Variants in FUT9 observed in about 807,000 individuals in gnomAD.
FUT9 encodes the protein 4-galactosyl-N-acetylglucosaminide 3-alpha-L-fucosyltransferase 9.
In FUT9, 15 loss-of-function variants were observed where a neutral mutation model predicts 29.7. The ratio of observed to expected loss-of-function variants is 0.51; its 90% confidence interval spans 0.34 to 0.78. FUT9 has a LOEUF of 0.78. FUT9 is among the 30% of genes least tolerant of loss of function. The probability of loss-of-function intolerance (pLI) is 0.01; values close to 1 mark genes in which losing one functional copy is unlikely to be tolerated. For synonymous variants in FUT9, 169 were observed against 153.7 expected (o/e 1.10, Z -0.74); for missense variants, 319 against 425.4 (o/e 0.75, Z 2.20).
At chr6:96,022,819 G>A (rs541651461) in intron 1 of FUT9, among the ~76,000 whole-genome samples, 1 of 151,970 alleles carries the variant, frequency 6.6e-6, no homozygotes, top group African/African-American at 2.4e-5. Context: ...GTTTTGACAA[G>A]AGCCCAGTAG....
chr6:96,153,463 C>T (rs563782647), intron 2 of FUT9, among the ~76,000 whole-genome samples: 1 of 152,224 alleles, frequency 6.6e-6, no homozygotes, highest in South Asian at 2.1e-4. Flanking sequence ...CTTGAGTAGA[C>T]AATGTGAGAA....
At chr6:96,075,674 A>G (rs778827126) in intron 1 of FUT9, among the ~76,000 whole-genome samples, 3 of 152,184 alleles carry the variant, frequency 2.0e-5, no homozygotes, top group Non-Finnish European at 2.9e-5. Context: ...ATTAGTACAC[A>G]TTTTAAACCT....
chr6:96,061,467 C>A (rs1489984261), intron 1 of FUT9, among the ~76,000 whole-genome samples: 1 of 151,406 alleles, frequency 6.6e-6, no homozygotes. Flanking sequence ...GTTTTCATTT[C>A]ATATTTGCCT....
intron 2 of FUT9, among the ~76,000 whole-genome samples, chr6:96,182,483 T>C (rs1773327172): frequency 6.6e-6 from 1 of 152,088 alleles, no homozygotes; most frequent in South Asian, 2.1e-4. Context: ...TTCTCGGTCA[T>C]GAAATCCTTG....
At position 96,181,595 on chromosome 6, in the gene FUT9, T is replaced by TTTCTCC. The variant is rs1773309577; in HGVS notation, c.-8-21553_-8-21552insTTCTCC. On this transcript the variant is annotated intron_variant, in intron 2 of 2. Coordinates refer to ENST00000302103, the MANE Select transcript of FUT9 (RefSeq NM_006581.4). ...GTCTTTTATCCCTCTCCTTTCTCCCTGAGTACCCAAAGTCCATTGTGTCAT... is the reference window on the plus strand; with the variant it reads ...GTCTTTTATCCCTCTCCTTTCTCCCTTTCTCCGAGTACCCAAAGTCCATTGTGTCAT... Among the ~76,000 whole-genome samples, 4 of 38,144 alleles carry TTTCTCC rather than the reference T, an allele frequency of 1.0e-4. No homozygotes were observed. The Admixed American group carries it at 1.3e-3, about 12-fold the overall frequency. 25.0% of individuals were successfully genotyped at this position (38,144 alleles called of 152,430 possible). A position where few individuals can be genotyped will look rare whatever the true frequency, so the allele number is the denominator to read the frequency against.
intron 1 of FUT9, among the ~76,000 whole-genome samples, chr6:96,051,020 G>GTA (rs955455589): frequency 1.3e-5 from 2 of 151,606 alleles, no homozygotes; most frequent in African/African-American, 4.9e-5. Context: ...CTCTGTGTGT[G>GTA]TGTGTGTGTG....
intron 1 of FUT9, among the ~76,000 whole-genome samples, chr6:96,043,106 CG>C (rs1770493460): frequency 1.3e-5 from 2 of 152,156 alleles, no homozygotes; most frequent in Admixed American, 1.3e-4. Context: ...GGCTGGAGTG[CG>C]GTGGCGCGAT....
intron 2 of FUT9, among the ~76,000 whole-genome samples, chr6:96,194,911 G>T (rs1773595265): frequency 6.6e-6 from 1 of 152,078 alleles, no homozygotes; most frequent in African/African-American, 2.4e-5. Context: ...TTACATTTGG[G>T]CTCAGTGTCA....
intron 2 of FUT9, among the ~76,000 whole-genome samples, chr6:96,160,470 C>T (rs1261064334): frequency 3.3e-5 from 5 of 152,162 alleles, no homozygotes; most frequent in Non-Finnish European, 7.3e-5. Flanking sequence ...TCTGGTCAAT[C>T]TGGTGAAACA....
intron 2 of FUT9, among the ~76,000 whole-genome samples, chr6:96,120,591 CTTTTTTTTTTT>C (rs57515226): frequency 1.8e-5 from 1 of 55,312 alleles, no homozygotes; most frequent in African/African-American, 7.0e-5. Context: ...GCAAGACCAC[CTTTTTTTTTTT>C]TTTTTTTTTT....
intron 1 of FUT9, among the ~76,000 whole-genome samples, chr6:96,040,560 G>A (rs1193644405): frequency 6.6e-6 from 1 of 152,180 alleles, no homozygotes; most frequent in Non-Finnish European, 1.5e-5. Context: ...ATTTTATTTT[G>A]TCGGTGATCC....
chr6:96,191,015 G>GT (rs1242867507), intron 2 of FUT9, among the ~76,000 whole-genome samples: 13 of 152,200 alleles, frequency 8.5e-5, no homozygotes, highest in Middle Eastern at 3.4e-3. Flanking sequence ...TTTCTGCTCT[G>GT]TTTTTTCCCC....
intron 2 of FUT9, among the ~76,000 whole-genome samples, chr6:96,169,366 A>G (rs927539491): frequency 6.6e-6 from 1 of 152,246 alleles, no homozygotes; most frequent in African/African-American, 2.4e-5. Context: ...AGTTCAGTGA[A>G]ATCTTGCAAA....
chr6:96,117,165 T>C (rs1771927475), intron 2 of FUT9, among the ~76,000 whole-genome samples: 1 of 152,180 alleles, frequency 6.6e-6, no homozygotes. Flanking sequence ...ATAGACATTG[T>C]ATTTTAGTTG....
At chr6:96,191,630 A>G (rs1479264373) in intron 2 of FUT9, among the ~76,000 whole-genome samples, 1 of 152,206 alleles carries the variant, frequency 6.6e-6, no homozygotes, top group Non-Finnish European at 1.5e-5. Context: ...AGAAGGCTTC[A>G]CAGCCGAATT....
chr6:96,080,759 C>G (rs1046638764), intron 1 of FUT9, among the ~76,000 whole-genome samples: 1 of 151,876 alleles, frequency 6.6e-6, no homozygotes, highest in Admixed American at 6.6e-5. Flanking sequence ...AAATTTGTAT[C>G]ATCAGCCTTG....
chr6:96,093,831 A>C (rs889174948), intron 1 of FUT9, among the ~76,000 whole-genome samples: 2 of 152,140 alleles, frequency 1.3e-5, no homozygotes, highest in Non-Finnish European at 2.9e-5. Context: ...TTACTGTTAC[A>C]ATGTTTACAA....
chr6:96,179,240 T>A (rs1773263060), intron 2 of FUT9, among the ~76,000 whole-genome samples: 1 of 152,174 alleles, frequency 6.6e-6, no homozygotes, highest in Non-Finnish European at 1.5e-5. Context: ...TTTATATTTA[T>A]TTGTTCAATA....
At chr6:96,137,152 T>C (rs1179360521) in intron 2 of FUT9, among the ~76,000 whole-genome samples, 1 of 151,860 alleles carries the variant, frequency 6.6e-6, no homozygotes, top group Non-Finnish European at 1.5e-5. Context: ...ATGGAAACCA[T>C]GAGACACAAC....
Sources: gnomAD v4.1 joint callset for allele counts (sites outside exome capture counted in the v4.1 genomes callset) on GRCh38, gnomAD v4.1.1 for gene constraint, MANE v1.5 for transcripts, NCBI Gene and HGNC (gene_info 2026-07-23, HGNC 2026-07-21) for gene names.